The following COL5A2 variants were observed in gnomAD, a reference collection of about 807,000 sequenced individuals.
COL5A2 encodes collagen type V alpha 2 chain.
A neutral mutation model predicts 208.2 loss-of-function variants in COL5A2; 23 were observed. The observed-to-expected ratio is 0.11, with a 90% CI of 0.08 to 0.16. The LOEUF is 0.16. COL5A2 is among the 10% of genes least tolerant of loss of function. COL5A2 has a pLI of 1.00. For synonymous variants in COL5A2, 625 were observed against 628.5 expected (o/e 0.99, Z 0.08); for missense variants, 1,590 against 1,956.4 (o/e 0.81, Z 3.53).
chr2:189,328,474 T>A, the COL5A2 span, among the ~76,000 whole-genome samples: 2 of 152,202 alleles, frequency 1.3e-5, no homozygotes, highest in Non-Finnish European at 2.9e-5. Flanking sequence ...GAGGCCCTGA[T>A]GAGCCTCCAG....
chr2:189,257,498 A>C, the COL5A2 span, among the ~76,000 whole-genome samples: 5 of 152,210 alleles, frequency 3.3e-5, no homozygotes, highest in African/African-American at 1.2e-4. Flanking sequence ...ATTTGACTTT[A>C]AAACAGATTT....
chr2:189,083,706 C>A (rs1686588487), intron 12 of COL5A2, among the ~76,000 whole-genome samples: 1 of 151,286 alleles, frequency 6.6e-6, no homozygotes, highest in African/African-American at 2.4e-5. Flanking sequence ...TCTGAATTTT[C>A]TGAGGATTTG....
chr2:189,197,285 G>A (rs186700071), intron 1 of COL5A2, among the ~76,000 whole-genome samples: 1 of 142,434 alleles, frequency 7.0e-6, no homozygotes, highest in Non-Finnish European at 1.6e-5. Flanking sequence ...CCAGCCAGGG[G>A]GTTGGGGTGC....
rs961216611 is a variant in COL5A2, at chr2:189,085,529, C to A, written c.744+190G>T. On this transcript the variant is annotated intron_variant, in intron 10 of 53. Transcript: ENST00000374866. ...ATTTAAATAAATAAATTTAAATAGT[C>A]TTTGAATTTAAATATTCTGCTATGA... Among the ~76,000 whole-genome samples the A allele has an allele frequency of 2.0e-5, 3 of 151,980 alleles. 1 individual carries two copies. The highest frequency in any genetic ancestry group is 4.4e-5 in the Non-Finnish European group (3 of 67,974).
At chr2:189,200,075 A>G (rs1689052184) in intron 1 of COL5A2, among the ~76,000 whole-genome samples, 1 of 152,146 alleles carries the variant, frequency 6.6e-6, no homozygotes, top group Non-Finnish European at 1.5e-5. Flanking sequence ...TCCTACAGTT[A>G]CATCTCCTCA....
At chr2:189,129,484 G>T (rs965106038) in intron 1 of COL5A2, among the ~76,000 whole-genome samples, 1 of 151,994 alleles carries the variant, frequency 6.6e-6, no homozygotes, top group Non-Finnish European at 1.5e-5. Flanking sequence ...GAAATGAAGA[G>T]AAAATGGTGT....
the COL5A2 span, among the ~76,000 whole-genome samples, chr2:189,312,194 G>C: frequency 6.6e-6 from 1 of 152,082 alleles, no homozygotes. Context: ...TCTTCTCCAG[G>C]TGCTCCCGGA....
At chr2:189,271,581 T>C in the COL5A2 span, among the ~76,000 whole-genome samples, 77 of 152,228 alleles carry the variant, frequency 5.1e-4, 2 homozygotes, top group South Asian at 0.011. Context: ...GACAATACCA[T>C]TCAGGACATA....
the COL5A2 span, among the ~76,000 whole-genome samples, chr2:189,399,253 T>A: frequency 1.6e-5 from 1 of 60,706 alleles, no homozygotes; most frequent in African/African-American, 1.1e-4. Flanking sequence ...TATTTTACGA[T>A]TTTTTTTTTT....
chr2:189,226,780 A>G (rs1017751179), upstream of COL5A2, among the ~76,000 whole-genome samples: 5 of 152,120 alleles, frequency 3.3e-5, no homozygotes, highest in South Asian at 8.3e-4. Flanking sequence ...CCAACAGTCC[A>G]GCTTTTTGAG....
At chr2:189,333,947 T>C in the COL5A2 span, among the ~76,000 whole-genome samples, 3 of 151,622 alleles carry the variant, frequency 2.0e-5, no homozygotes, top group Non-Finnish European at 4.4e-5. Flanking sequence ...AAAAAAGATA[T>C]AATGCAGTCA....
chr2:189,289,082 C>G, the COL5A2 span, among the ~76,000 whole-genome samples: 973 of 152,248 alleles, frequency 6.4e-3, 11 homozygotes, highest in African/African-American at 0.022. Flanking sequence ...TGGCTCACAC[C>G]TGTAATCCCA....
At chr2:189,364,944 A>G in the COL5A2 span, among the ~76,000 whole-genome samples, 5,538 of 152,308 alleles carry the variant, frequency 0.036, 117 homozygotes, top group Admixed American at 0.05. Context: ...TACTATGTTA[A>G]TAATAGGGCA....
chr2:189,317,617 C>A, the COL5A2 span, among the ~76,000 whole-genome samples: 4 of 152,032 alleles, frequency 2.6e-5, no homozygotes, highest in African/African-American at 9.7e-5. Flanking sequence ...ATTTACAAAA[C>A]CACTCAATAT....
At position 189,097,257 on chromosome 2, in the gene COL5A2, G is replaced by T; in HGVS notation, c.456+20C>A. On this transcript the variant is annotated intron_variant, in intron 6 of 53. Transcript: ENST00000374866. ...TGACTGGCTGTACGTTCCCCACAAG[G>T]AGCCCTCCTGTCAACTTACAGGTCT... 6.2e-7 allele frequency: 1 copy of T among 1,613,576 alleles called. No individual in the cohort carries two copies. The highest frequency in any genetic ancestry group is 8.5e-7 in the Non-Finnish European group (1 of 1,179,536).
At chr2:189,081,232 A>G (rs1394834497) in intron 12 of COL5A2, among the ~76,000 whole-genome samples, 189 bp from the exon 13 acceptor site, 1 of 152,238 alleles carries the variant, frequency 6.6e-6, no homozygotes, top group Non-Finnish European at 1.5e-5. Flanking sequence ...CAAAGTAAAT[A>G]TGCTATTAGA....
chr2:189,366,572 C>G, the COL5A2 span, among the ~76,000 whole-genome samples: 1 of 152,250 alleles, frequency 6.6e-6, no homozygotes. Context: ...ATTACCATCA[C>G]ATTCCTCAAG....
intron 48 of COL5A2, 104 bp downstream of exon 48, chr2:189,043,047 G>T: frequency 1.1e-6 from 1 of 884,112 alleles, no homozygotes; most frequent in Non-Finnish European, 1.9e-6. Flanking sequence ...CTGAAAATAA[G>T]ATACAAACAT....
At chr2:189,291,246 T>C in the COL5A2 span, among the ~76,000 whole-genome samples, 1 of 152,228 alleles carries the variant, frequency 6.6e-6, no homozygotes, top group Admixed American at 6.5e-5. Context: ...GATGCAAGTA[T>C]CCTAATAGAT....
Sources: gnomAD v4.1 joint callset for allele counts (sites outside exome capture counted in the v4.1 genomes callset) on GRCh38, gnomAD v4.1.1 for gene constraint, MANE v1.5 for transcripts, NCBI Gene and HGNC (gene_info 2026-07-23, HGNC 2026-07-21) for gene names.